RSBN1L: variants seen among roughly 807,000 people sequenced by gnomAD.
RSBN1L encodes the protein lysine-specific demethylase RSBN1L.
A neutral mutation model predicts 67.7 loss-of-function variants in RSBN1L; 30 were observed. That is an observed-to-expected ratio of 0.44 (90% CI 0.33 to 0.60). The LOEUF (loss-of-function observed/expected upper bound fraction) is 0.60. Among genes scored for constraint, RSBN1L ranks in the 20% least tolerant of loss-of-function variants. The pLI, the probability that RSBN1L is intolerant of heterozygous loss-of-function variation, is 0.02. For missense variants in RSBN1L, 992 were observed against 1,031.7 expected, an observed-to-expected ratio of 0.96 and a Z score of 0.53; for synonymous variants, 433 against 387.0, an observed-to-expected ratio of 1.12 and a Z score of -1.39.
Position 77,749,817 on chromosome 7 carries a change from G to A in RSBN1L, c.1097G>A (p.Ser366Asn). 1.2e-6 allele frequency: 2 copies of A among 1,614,214 alleles called. No individual in the cohort carries two copies. Among genetic ancestry groups the A allele is most frequent in the South Asian group, 2.2e-5 (2 of 91,092 alleles). Reference sequence around the variant, plus strand: ...GGTGCATCGGTTATCCATGCCTACAGTAACGAACTCTCCCACCTGTCTCCT... The same window carrying A: ...GGTGCATCGGTTATCCATGCCTACAATAACGAACTCTCCCACCTGTCTCCT... ...NGGASVIHAY[S>N]NELSHLSPME... Residue 366 changes from serine (S) to asparagine (N), a missense_variant, in exon 3 of 8, where the codon AGT (serine) becomes AAT (asparagine). Ser to Asn is a conservative substitution (Grantham distance 46). Transcript: ENST00000334955.
intron 3 of RSBN1L, among the ~76,000 whole-genome samples, chr7:77,752,909 G>A (rs964562238): frequency 6.6e-6 from 1 of 152,140 alleles, no homozygotes; most frequent in Admixed American, 6.5e-5. Flanking sequence ...CAGATAGTAC[G>A]TACATTGTTG....
chr7:77,734,926 G>T (rs949712170), intron 1 of RSBN1L, among the ~76,000 whole-genome samples: 1 of 152,074 alleles, frequency 6.6e-6, no homozygotes. Context: ...TATGTGAACA[G>T]ATAAGGAGTT....
At chr7:77,748,939 G>GTC (rs1791519362) in intron 2 of RSBN1L, among the ~76,000 whole-genome samples, 1 of 151,796 alleles carries the variant, frequency 6.6e-6, no homozygotes, top group African/African-American at 2.4e-5. Context: ...CTCTCTCTCT[G>GTC]TCTCTCTCTC....
chr7:77,767,085 C>CTTCCCT (rs1199891409), intron 4 of RSBN1L, among the ~76,000 whole-genome samples: 3 of 143,394 alleles, frequency 2.1e-5, no homozygotes, highest in African/African-American at 7.9e-5. Context: ...TCCCCTTCCC[C>CTTCCCT]TTCCCTTTCC....
chr7:77,704,896 T>C (rs1453539033), intron 1 of RSBN1L, among the ~76,000 whole-genome samples: 1 of 151,938 alleles, frequency 6.6e-6, no homozygotes, highest in Non-Finnish European at 1.5e-5. Flanking sequence ...CACTTGAACC[T>C]GGGAGGTGGA....
intron 5 of RSBN1L, among the ~76,000 whole-genome samples, chr7:77,770,329 C>A (rs1050743992): frequency 1.3e-5 from 2 of 151,820 alleles, no homozygotes; most frequent in Non-Finnish European, 2.9e-5. Context: ...GAACCCAGAT[C>A]GCTTCACTGC....
At chr7:77,714,533 C>A (rs1791020599) in intron 1 of RSBN1L, among the ~76,000 whole-genome samples, 1 of 152,114 alleles carries the variant, frequency 6.6e-6, no homozygotes, top group Admixed American at 6.6e-5. Flanking sequence ...TGAATCAGTT[C>A]ATTTATTTTT....
At chr7:77,758,877 A>G (rs1161596553) in intron 3 of RSBN1L, among the ~76,000 whole-genome samples, 1 of 152,224 alleles carries the variant, frequency 6.6e-6, no homozygotes. Context: ...TAATCAGTGT[A>G]CATACTCTGG....
At chr7:77,721,276 A>G (rs117421052) in intron 1 of RSBN1L, among the ~76,000 whole-genome samples, 2,784 of 151,826 alleles carry the variant, frequency 0.018, 38 homozygotes, top group Middle Eastern at 0.071. Context: ...ATTGCCTTCA[A>G]ATGCTTATCA....
chr7:77,731,017 C>T (rs1330289735), intron 1 of RSBN1L, among the ~76,000 whole-genome samples: 1 of 152,182 alleles, frequency 6.6e-6, no homozygotes, highest in South Asian at 2.1e-4. Context: ...TCCTTTTGCT[C>T]TGTATTTTTG....
At chr7:77,706,171 G>A (rs1790889177) in intron 1 of RSBN1L, among the ~76,000 whole-genome samples, 1 of 151,830 alleles carries the variant, frequency 6.6e-6, no homozygotes, top group South Asian at 2.1e-4. Context: ...CCGCCCCCCA[G>A]GTTCAAGCGA....
intron 1 of RSBN1L, among the ~76,000 whole-genome samples, chr7:77,723,108 A>G (rs527577805): frequency 6.6e-6 from 1 of 151,828 alleles, no homozygotes; most frequent in Admixed American, 6.6e-5. Flanking sequence ...CTGGGATTAC[A>G]GGCATGCGCC....
chr7:77,761,207 A>G (rs573016646), intron 3 of RSBN1L, among the ~76,000 whole-genome samples: 2 of 152,226 alleles, frequency 1.3e-5, no homozygotes, highest in East Asian at 1.9e-4. Context: ...TTATGATACA[A>G]TACTGATGCC....
At chr7:77,701,186 CAACAA>C (rs1790814131) in intron 1 of RSBN1L, among the ~76,000 whole-genome samples, 1 of 130,230 alleles carries the variant, frequency 7.7e-6, no homozygotes, top group African/African-American at 3.0e-5. Context: ...ACAACAACAA[CAACAA>C]AAAAAAACGA....
intron 1 of RSBN1L, among the ~76,000 whole-genome samples, chr7:77,719,052 C>CT (rs1226958107): frequency 1.3e-5 from 2 of 152,178 alleles, no homozygotes; most frequent in African/African-American, 4.8e-5. Flanking sequence ...CAGCTCAGGA[C>CT]TCCAAGAGTC....
At chr7:77,760,712 A>G (rs1263317268) in intron 3 of RSBN1L, among the ~76,000 whole-genome samples, 1 of 152,180 alleles carries the variant, frequency 6.6e-6, no homozygotes, top group African/African-American at 2.4e-5. Context: ...CGCTGGCTGC[A>G]ACCTCCGCCT....
At chr7:77,715,198 G>A (rs546262567) in intron 1 of RSBN1L, among the ~76,000 whole-genome samples, 1 of 152,254 alleles carries the variant, frequency 6.6e-6, no homozygotes, top group African/African-American at 2.4e-5. Context: ...CTTGAACCTG[G>A]GAGGCAGAGG....
chr7:77,739,840 C>T (rs1313920683), intron 2 of RSBN1L, among the ~76,000 whole-genome samples: 9 of 130,070 alleles, frequency 6.9e-5, no homozygotes, highest in African/African-American at 2.3e-4. Context: ...AACTCTGCCT[C>T]CTGGGTTCAA....
chr7:77,739,628 G>GCTTGAA (rs945832530), intron 2 of RSBN1L, among the ~76,000 whole-genome samples: 1 of 133,000 alleles, frequency 7.5e-6, no homozygotes, highest in African/African-American at 2.9e-5. Context: ...CAGGAGAATT[G>GCTTGAA]CTTGAACCCA....
Sources: gnomAD v4.1 joint callset for allele counts (sites outside exome capture counted in the v4.1 genomes callset) on GRCh38, gnomAD v4.1.1 for gene constraint, MANE v1.5 for transcripts, NCBI Gene and HGNC (gene_info 2026-07-23, HGNC 2026-07-21) for gene names.